Variants in RERG observed in about 807,000 individuals in gnomAD.
The protein encoded by RERG is RAS like estrogen regulated growth inhibitor, also known as ras-related and estrogen-regulated growth inhibitor.
A neutral mutation model predicts 23.2 loss-of-function variants in RERG; 25 were observed. That is an observed-to-expected ratio of 1.08 (90% CI 0.79 to 1.50). The LOEUF (loss-of-function observed/expected upper bound fraction) is 1.50, where lower values mean the gene tolerates loss of function less well. Among genes scored for constraint, RERG ranks in the 40% most tolerant of loss-of-function variants. RERG has a pLI of 0.00. For synonymous variants in RERG, 81 were observed against 89.1 expected, an observed-to-expected ratio of 0.91 and a Z score of 0.51; for missense variants, 253 against 250.1, an observed-to-expected ratio of 1.01 and a Z score of -0.08.
chr12:15,204,008 C>T (rs1865252052), intron 2 of RERG, among the ~76,000 whole-genome samples: 1 of 151,636 alleles, frequency 6.6e-6, no homozygotes, highest in Non-Finnish European at 1.5e-5. Context: ...AAGAAACCTA[C>T]ATATTCACTG....
At chr12:15,186,562 AGAG>A (rs1411872674) in intron 2 of RERG, among the ~76,000 whole-genome samples, 1 of 152,108 alleles carries the variant, frequency 6.6e-6, no homozygotes, top group Non-Finnish European at 1.5e-5. Context: ...GAGGAAGAGA[AGAG>A]GAGGAGGAAG....
intron 4 of RERG, chr12:15,110,867 A>C (rs1000007265): frequency 2.0e-5 from 3 of 152,452 alleles, no homozygotes; most frequent in African/African-American, 7.2e-5. Context: ...TATTACAAGA[A>C]AGACATCTAA....
At chr12:15,213,373 A>G (rs1865395160) in intron 2 of RERG, among the ~76,000 whole-genome samples, 1 of 152,250 alleles carries the variant, frequency 6.6e-6, no homozygotes, top group South Asian at 2.1e-4. Flanking sequence ...ACAAGTAAGG[A>G]AATCTGTGCC....
intron 2 of RERG, among the ~76,000 whole-genome samples, chr12:15,162,069 G>T (rs918487446): frequency 1.3e-5 from 2 of 152,210 alleles, no homozygotes; most frequent in Admixed American, 1.3e-4. Flanking sequence ...CTGAGGAAGT[G>T]CTGTCTAAAG....
Position 15,126,724 on chromosome 12 carries a change from CTT to C in RERG, c.62-5607_62-5606del, listed in dbSNP as rs71042228. On this transcript the variant is annotated intron_variant, in intron 2 of 4. Coordinates refer to ENST00000256953, the MANE Select transcript of RERG (RefSeq NM_032918.3). ...ATAGCATTTCTTTTTCTTTTTCTTT[CTT>C]TTTTTTTTTTTTTTGAGACAGAGTC... 6.8e-5 allele frequency among the ~76,000 whole-genome samples: 9 copies of C among 132,458 alleles called. 1 individual carries two copies. The highest frequency in any genetic ancestry group is 1.1e-4 in the Non-Finnish European group (7 of 63,656). The allele number at this position is 132,458 out of a possible 152,430, so 86.9% of individuals were successfully genotyped here. A position where few individuals can be genotyped will look rare whatever the true frequency, so the allele number is the denominator to read the frequency against.
intron 2 of RERG, 89 bp from the exon 3 acceptor site, chr12:15,121,208 C>T: frequency 1.1e-6 from 1 of 905,738 alleles, no homozygotes. Context: ...ATGCTCCACA[C>T]AACCCTATAA....
At chr12:15,111,310 C>T in intron 4 of RERG, 34 bp downstream of exon 4, 4 of 1,519,542 alleles carry the variant, frequency 2.6e-6, no homozygotes, top group Non-Finnish European at 3.6e-6. Context: ...TTTATTTGAT[C>T]CAGAAAAATA....
At chr12:15,170,133 T>TA (rs1366446765) in intron 2 of RERG, among the ~76,000 whole-genome samples, 2 of 149,796 alleles carry the variant, frequency 1.3e-5, no homozygotes, top group Admixed American at 6.6e-5. Context: ...CCAAAGTGAA[T>TA]AAAACTTAAG....
intron 2 of RERG, among the ~76,000 whole-genome samples, chr12:15,167,846 G>A (rs1048908146): frequency 2.0e-5 from 3 of 152,116 alleles, no homozygotes; most frequent in Admixed American, 1.3e-4. Flanking sequence ...AAAGTGAACA[G>A]TTTTAATTGG....
At chr12:15,109,860 A>C (rs1591630117) in intron 4 of RERG, among the ~76,000 whole-genome samples, 1 of 152,222 alleles carries the variant, frequency 6.6e-6, no homozygotes, top group Non-Finnish European at 1.5e-5. Context: ...CATCACAATT[A>C]AGGACTTAGC....
intron 2 of RERG, among the ~76,000 whole-genome samples, chr12:15,164,984 A>C (rs1287355382): frequency 6.6e-6 from 1 of 152,192 alleles, no homozygotes; most frequent in East Asian, 1.9e-4. Context: ...TTGGCACTAA[A>C]GGTTGTGCTC....
chr12:15,189,978 G>T (rs1865046871), intron 2 of RERG, among the ~76,000 whole-genome samples: 1 of 152,126 alleles, frequency 6.6e-6, no homozygotes, highest in Non-Finnish European at 1.5e-5. Context: ...TCCATTTCTA[G>T]GTAGTAGTTT....
chr12:15,157,130 G>T (rs715398), intron 2 of RERG, among the ~76,000 whole-genome samples: 23,152 of 152,006 alleles, frequency 0.15, 2,020 homozygotes, highest in East Asian at 0.23. Context: ...TTTTTCATTC[G>T]GCATTGCAGG....
chr12:15,207,437 AAAAC>A lies in RERG; in HGVS notation c.61+9988_61+9991del, dbSNP rs542174506. ...TTTGGCTCAGCAATGGCATACGTTA[AAAAC>A]AAACAAACAAACAAACAAACAAAAA... On this transcript the variant is annotated intron_variant, in intron 2 of 4. Coordinates refer to ENST00000256953, the MANE Select transcript of RERG (RefSeq NM_032918.3). Among the ~76,000 whole-genome samples the A allele has an allele frequency of 5.5e-4, 84 of 152,242 alleles. 1 individual carries two copies. The highest frequency in any genetic ancestry group is 4.8e-3 in the South Asian group (23 of 4,818).
intron 3 of RERG, 48 bp downstream of exon 3, chr12:15,121,015 G>A: frequency 7.9e-7 from 1 of 1,262,666 alleles, no homozygotes; most frequent in African/African-American, 1.5e-5. Context: ...CTTTCTTTGG[G>A]GCCATAAATT....
chr12:15,187,947 G>C (rs1387749321), intron 2 of RERG, among the ~76,000 whole-genome samples: 1 of 151,966 alleles, frequency 6.6e-6, no homozygotes, highest in African/African-American at 2.4e-5. Context: ...TTATTATCAG[G>C]AAATAAATAC....
intron 2 of RERG, among the ~76,000 whole-genome samples, chr12:15,145,760 C>A (rs186482063): frequency 6.6e-6 from 1 of 152,204 alleles, no homozygotes; most frequent in Non-Finnish European, 1.5e-5. Context: ...CAGAACCCCA[C>A]GGTGGCTGAA....
chr12:15,110,718 T>C (rs918776931), intron 4 of RERG, among the ~76,000 whole-genome samples: 2 of 152,064 alleles, frequency 1.3e-5, no homozygotes, highest in African/African-American at 4.8e-5. Flanking sequence ...GTCCTTGTGA[T>C]CTGCCAGCCT....
chr12:15,158,498 G>T (rs570337553), intron 2 of RERG, among the ~76,000 whole-genome samples: 1 of 151,988 alleles, frequency 6.6e-6, no homozygotes, highest in East Asian at 1.9e-4. Context: ...CCCAGGCTGG[G>T]ATCAAACTCC....
Sources: allele counts gnomAD v4.1 joint callset (sites outside exome capture counted in the v4.1 genomes callset), GRCh38; gene constraint gnomAD v4.1.1; transcripts MANE v1.5; gene names NCBI Gene and HGNC (gene_info 2026-07-23, HGNC 2026-07-21).